The following ZNF385D variants were observed in gnomAD, a reference collection of about 807,000 sequenced individuals.
ZNF385D encodes zinc finger protein 659.
A neutral mutation model predicts 35.8 loss-of-function variants in ZNF385D; 15 were observed. That is an observed-to-expected ratio of 0.42 (90% CI 0.28 to 0.64). The LOEUF is 0.64. Ranked by LOEUF, ZNF385D falls within the 30% of genes least tolerant of loss-of-function variation. The pLI, the probability that ZNF385D is intolerant of heterozygous loss-of-function variation, is 0.23. For missense variants in ZNF385D, 474 were observed against 494.6 expected (o/e 0.96, Z 0.39); for synonymous variants, 212 against 186.8 (o/e 1.13, Z -1.10).
chr3:21,974,655 T>C (rs1703479410), intron 3 of ZNF385D, among the ~76,000 whole-genome samples: 1 of 151,948 alleles, frequency 6.6e-6, no homozygotes, highest in African/African-American at 2.4e-5. Context: ...TGGAAGTAAA[T>C]ATTTTCAAGC....
intron 3 of ZNF385D, among the ~76,000 whole-genome samples, chr3:21,560,744 T>C (rs1382075384): frequency 2.0e-5 from 3 of 152,150 alleles, no homozygotes; most frequent in Non-Finnish European, 4.4e-5. Flanking sequence ...GCTGCGCCTA[T>C]AGCTGCCTCT....
intron 2 of ZNF385D, among the ~76,000 whole-genome samples, chr3:21,585,970 A>G (rs750420038): frequency 3.9e-4 from 60 of 152,208 alleles, no homozygotes; most frequent in Non-Finnish European, 6.6e-4. Flanking sequence ...AGAGTCCAAG[A>G]CCAGTCTCGG....
At chr3:21,597,677 C>G (rs967606406) in intron 2 of ZNF385D, among the ~76,000 whole-genome samples, 16 of 152,074 alleles carry the variant, frequency 1.1e-4, no homozygotes, top group African/African-American at 2.7e-4. Flanking sequence ...GATATAGAGG[C>G]AAGAAAGCAT....
At chr3:22,000,837 C>T (rs1022169825) in intron 3 of ZNF385D, among the ~76,000 whole-genome samples, 1 of 150,570 alleles carries the variant, frequency 6.6e-6, no homozygotes, top group Non-Finnish European at 1.5e-5. Flanking sequence ...TGAGTCTTTC[C>T]CAGACAAGCA....
At chr3:22,121,975 G>C (rs953618129) in intron 3 of ZNF385D, among the ~76,000 whole-genome samples, 4 of 152,096 alleles carry the variant, frequency 2.6e-5, no homozygotes, top group Non-Finnish European at 4.4e-5. Flanking sequence ...GAATTCCAGA[G>C]ATTAATTCAA....
At chr3:21,609,088 A>T (rs1575312505) in intron 2 of ZNF385D, among the ~76,000 whole-genome samples, 1 of 152,196 alleles carries the variant, frequency 6.6e-6, no homozygotes, top group East Asian at 1.9e-4. Flanking sequence ...ACCTGTGCCA[A>T]ATAGAATTGT....
At chr3:21,590,742 C>G (rs2063950022) in intron 2 of ZNF385D, among the ~76,000 whole-genome samples, 1 of 152,060 alleles carries the variant, frequency 6.6e-6, no homozygotes, top group South Asian at 2.1e-4. Context: ...CCTATAATAG[C>G]TGTCTAACGC....
intron 3 of ZNF385D, among the ~76,000 whole-genome samples, chr3:21,550,415 T>G (rs2125594812): frequency 6.6e-6 from 1 of 152,310 alleles, no homozygotes; most frequent in East Asian, 1.9e-4. Context: ...ATGTTAAGAC[T>G]AAGAGATATG....
chr3:21,472,477 A>C (rs1247985146), intron 4 of ZNF385D, among the ~76,000 whole-genome samples: 2 of 152,168 alleles, frequency 1.3e-5, no homozygotes, highest in African/African-American at 2.4e-5. Flanking sequence ...CCAATCACTT[A>C]TCCCTGAGCC....
intron 4 of ZNF385D, among the ~76,000 whole-genome samples, chr3:21,451,469 A>AT (rs71266443): frequency 0.088 from 13,377 of 151,952 alleles, 996 homozygotes; most frequent in East Asian, 0.32. Context: ...ATGTCTCATT[A>AT]TTTTTTGCTG....
At chr3:21,437,780 A>G (rs1701645453) in intron 4 of ZNF385D, among the ~76,000 whole-genome samples, 1 of 151,502 alleles carries the variant, frequency 6.6e-6, no homozygotes, top group Non-Finnish European at 1.5e-5. Flanking sequence ...TCATTGCTCT[A>G]TTTGCAAAGA....
At chr3:22,165,366 C>T (rs901369670) in intron 3 of ZNF385D, among the ~76,000 whole-genome samples, 4 of 152,218 alleles carry the variant, frequency 2.6e-5, no homozygotes, top group South Asian at 2.1e-4. Flanking sequence ...TGTCAAGCAC[C>T]GGTCTGATGG....
intron 3 of ZNF385D, among the ~76,000 whole-genome samples, chr3:21,791,752 T>C (rs768997292): frequency 6.6e-6 from 1 of 152,222 alleles, no homozygotes; most frequent in Non-Finnish European, 1.5e-5. Flanking sequence ...TTGGTTGTTG[T>C]TGAGATGGCA....
rs1370580542 is a variant in ZNF385D, at chr3:21,946,429, G to C, written c.325+222388C>G. 2.0e-5 allele frequency among the ~76,000 whole-genome samples: 3 copies of C among 151,020 alleles called. No individual in the cohort carries two copies. In the Admixed American group the frequency reaches 2.0e-4, roughly 10 times the overall value. Reference sequence around the variant, plus strand: ...TGCAAAGTTGAAAATTAATTCATTAGATTTTAAAGATAAAAAGTTTTTGAA... The same window carrying C: ...TGCAAAGTTGAAAATTAATTCATTACATTTTAAAGATAAAAAGTTTTTGAA... On this transcript the variant is annotated intron_variant, in intron 3 of 5. Coordinates refer to the ZNF385D transcript ENST00000494108.
At chr3:22,329,868 C>G (rs1442722311) in intron 2 of ZNF385D, among the ~76,000 whole-genome samples, 1 of 152,112 alleles carries the variant, frequency 6.6e-6, no homozygotes, top group Non-Finnish European at 1.5e-5. Context: ...TTTTTTGAAT[C>G]AAGTCCTTGA....
chr3:21,559,652 C>G (rs1357201579), intron 3 of ZNF385D, among the ~76,000 whole-genome samples: 3 of 152,084 alleles, frequency 2.0e-5, no homozygotes, highest in African/African-American at 7.2e-5. Flanking sequence ...GGTTGCTCTT[C>G]TCAAGGAGTA....
At position 21,663,919 on chromosome 3, in the gene ZNF385D, T is replaced by TATATATATA. The variant is rs1201308131; in HGVS notation, c.165+966_165+967insTATATATAT. 1.4e-3 allele frequency among the ~76,000 whole-genome samples: 55 copies of TATATATATA among 39,246 alleles called. 1 individual carries two copies. The highest frequency in any genetic ancestry group is 4.7e-3 in the African/African-American group (50 of 10,546). 25.7% of individuals were successfully genotyped at this position (39,246 alleles called of 152,430 possible). On this transcript the variant is annotated intron_variant, in intron 2 of 7. Transcript: ENST00000281523. ...TATATATATATATATATATATATATTTATTTATTTAAATCCATCATGGGGA... is the reference window on the plus strand; with the variant it reads ...TATATATATATATATATATATATATTATATATATATATTTATTTAAATCCATCATGGGGA...
chr3:22,071,540 T>C (rs1231319925), intron 3 of ZNF385D, among the ~76,000 whole-genome samples: 2 of 152,190 alleles, frequency 1.3e-5, no homozygotes, highest in African/African-American at 2.4e-5. Context: ...GAGCCACCTT[T>C]GAAGTTAATT....
At chr3:21,938,574 A>G (rs1701370816) in intron 3 of ZNF385D, among the ~76,000 whole-genome samples, 1 of 152,106 alleles carries the variant, frequency 6.6e-6, no homozygotes, top group Non-Finnish European at 1.5e-5. Context: ...TGAAACTATT[A>G]TTTACATTTT....
Sources: gnomAD v4.1 joint callset for allele counts (sites outside exome capture counted in the v4.1 genomes callset) on GRCh38, gnomAD v4.1.1 for gene constraint, MANE v1.5 for transcripts, NCBI Gene and HGNC (gene_info 2026-07-23, HGNC 2026-07-21) for gene names.